Variants in CALD1 observed in about 807,000 individuals in gnomAD.
CALD1 encodes caldesmon 1.
In CALD1, 33 loss-of-function variants were observed where a neutral mutation model predicts 99.9. The observed-to-expected ratio is 0.33, with a 90% CI of 0.25 to 0.44. CALD1 has a LOEUF of 0.44. CALD1 is among the 20% of genes least tolerant of loss of function. CALD1 has a pLI of 1.00. For missense variants in CALD1, 861 were observed against 962.1 expected (o/e 0.89, Z 1.39); for synonymous variants, 310 against 325.0 (o/e 0.95, Z 0.50).
intron 1 of CALD1, among the ~76,000 whole-genome samples, chr7:134,830,090 G>A (rs1799159855): frequency 6.6e-6 from 1 of 152,026 alleles, no homozygotes; most frequent in Non-Finnish European, 1.5e-5. Context: ...AAAAAAAGGG[G>A]CCAGGGAGTA....
intron 3 of CALD1, among the ~76,000 whole-genome samples, chr7:134,873,772 T>G (rs1801215120): frequency 6.6e-6 from 1 of 152,208 alleles, no homozygotes. Context: ...TATCCTCCCT[T>G]ACAAAATGGG....
chr7:134,965,009 G>A (rs1188066154), intron 13 of CALD1, among the ~76,000 whole-genome samples: 5 of 152,024 alleles, frequency 3.3e-5, no homozygotes, highest in Non-Finnish European at 5.9e-5. Context: ...CCAGCTACTC[G>A]AGAGGCTGAG....
chr7:134,828,450 A>G (rs756404975), intron 1 of CALD1, among the ~76,000 whole-genome samples: 5 of 152,216 alleles, frequency 3.3e-5, no homozygotes, highest in Admixed American at 2.0e-4. Flanking sequence ...TCAATTTTTT[A>G]AAAGCCCAGC....
At chr7:134,842,896 G>T (rs62462559) in intron 1 of CALD1, among the ~76,000 whole-genome samples, 4,144 of 152,228 alleles carry the variant, frequency 0.027, 100 homozygotes, top group South Asian at 0.14. Context: ...GATCAAGAGG[G>T]AAGAAATTAC....
chr7:134,816,229 T>C (rs1356843586), intron 1 of CALD1, among the ~76,000 whole-genome samples: 1 of 152,226 alleles, frequency 6.6e-6, no homozygotes, highest in Non-Finnish European at 1.5e-5. Flanking sequence ...TTGGAATTTA[T>C]CTCAGTGTCT....
At chr7:134,834,516 A>G (rs373906519) in intron 1 of CALD1, among the ~76,000 whole-genome samples, 2 of 152,356 alleles carry the variant, frequency 1.3e-5, no homozygotes, top group South Asian at 4.1e-4. Flanking sequence ...TCCTCCCATC[A>G]CTAGCTGAGA....
intron 2 of CALD1, among the ~76,000 whole-genome samples, chr7:134,848,341 A>G (rs1426336359): frequency 6.6e-6 from 1 of 152,224 alleles, no homozygotes; most frequent in East Asian, 1.9e-4. Flanking sequence ...TAAGAGCTAG[A>G]GACAAATGAA....
chr7:134,926,866 A>AT (rs971875850), intron 3 of CALD1, among the ~76,000 whole-genome samples: 109 of 152,330 alleles, frequency 7.2e-4, no homozygotes, highest in African/African-American at 2.6e-3. Context: ...AATTTTAACA[A>AT]TTTAAAGTGT....
intron 3 of CALD1, among the ~76,000 whole-genome samples, chr7:134,908,966 T>G (rs1395602565): frequency 6.6e-6 from 1 of 152,190 alleles, no homozygotes; most frequent in African/African-American, 2.4e-5. Flanking sequence ...TTATTTTCCA[T>G]GCATATAAGG....
chr7:134,939,403 G>A (rs1479310603), intron 6 of CALD1, among the ~76,000 whole-genome samples: 2 of 152,194 alleles, frequency 1.3e-5, no homozygotes, highest in Non-Finnish European at 2.9e-5. Context: ...AACACAACTA[G>A]TTTGTTGTCA....
At chr7:134,807,927 C>T (rs749727617) in intron 1 of CALD1, among the ~76,000 whole-genome samples, 3 of 152,038 alleles carry the variant, frequency 2.0e-5, no homozygotes, top group Admixed American at 6.5e-5. Flanking sequence ...CGTGCCCGGC[C>T]GATTATCTCC....
chr7:134,791,055 G>C (rs1434959170), intron 1 of CALD1, among the ~76,000 whole-genome samples: 1 of 26,944 alleles, frequency 3.7e-5, no homozygotes, highest in Non-Finnish European at 7.2e-5. Flanking sequence ...CTTCCCAGGT[G>C]AGATACTACT....
intron 1 of CALD1, among the ~76,000 whole-genome samples, chr7:134,837,909 T>C (rs1206320119): frequency 6.6e-6 from 1 of 152,236 alleles, no homozygotes; most frequent in African/African-American, 2.4e-5. Context: ...AGTGTAGAGT[T>C]CTATGTGACC....
At chr7:134,923,364 T>C (rs1804756710) in intron 3 of CALD1, among the ~76,000 whole-genome samples, 1 of 152,178 alleles carries the variant, frequency 6.6e-6, no homozygotes, top group Admixed American at 6.5e-5. Flanking sequence ...AAAAAATAGA[T>C]CCACAATAAA....
chr7:134,965,652 C>A (rs1004782228), intron 14 of CALD1, among the ~76,000 whole-genome samples: 1 of 152,122 alleles, frequency 6.6e-6, no homozygotes, highest in Non-Finnish European at 1.5e-5. Context: ...ACATTGGCAG[C>A]AGAAGGCCGT....
intron 1 of CALD1, among the ~76,000 whole-genome samples, chr7:134,791,776 T>A (rs1244173177): frequency 1.3e-5 from 2 of 152,170 alleles, no homozygotes; most frequent in Admixed American, 1.3e-4. Context: ...TACCCGAGAC[T>A]GGGTAATTTA....
chr7:134,714,909 TG>T, the CALD1 span, among the ~76,000 whole-genome samples: 1 of 152,194 alleles, frequency 6.6e-6, no homozygotes, highest in Non-Finnish European at 1.5e-5. Context: ...TGCCACTTGC[TG>T]GTTCTGGGCA....
the CALD1 span, among the ~76,000 whole-genome samples, chr7:134,735,614 T>C: frequency 6.6e-6 from 1 of 150,838 alleles, no homozygotes; most frequent in Non-Finnish European, 1.5e-5. Context: ...TGTGTGTAGC[T>C]CTCAGTGGAA....
chr7:134,762,213 A>G (rs1016559788), intron 1 of CALD1, among the ~76,000 whole-genome samples: 1 of 152,254 alleles, frequency 6.6e-6, no homozygotes, highest in Non-Finnish European at 1.5e-5. Flanking sequence ...AGCAGAAAAT[A>G]GAAATGGCCA....
Sources: gnomAD v4.1 joint callset for allele counts (sites outside exome capture counted in the v4.1 genomes callset) on GRCh38, gnomAD v4.1.1 for gene constraint, MANE v1.5 for transcripts, NCBI Gene and HGNC (gene_info 2026-07-23, HGNC 2026-07-21) for gene names.